Variants in PRELID2 observed in about 807,000 individuals in gnomAD.
PRELID2 encodes the protein PRELI domain containing 2, also known as PRELI domain-containing protein 2.
PRELID2 carries 25 observed loss-of-function variants against 28.4 expected under a neutral mutation model. The observed-to-expected ratio is 0.88, with a 90% CI of 0.64 to 1.23. The LOEUF (loss-of-function observed/expected upper bound fraction) is 1.23, where lower values mean the gene tolerates loss of function less well. Among genes scored for constraint, PRELID2 ranks in the 50% most tolerant of loss-of-function variants. PRELID2 has a pLI of 0.00. For synonymous variants in PRELID2, 76 were observed against 71.6 expected, an observed-to-expected ratio of 1.06 and a Z score of -0.31; for missense variants, 201 against 214.4, an observed-to-expected ratio of 0.94 and a Z score of 0.39.
At chr5:145,661,553 G>A (rs561404478) in intron 1 of PRELID2, among the ~76,000 whole-genome samples, 1 of 150,992 alleles carries the variant, frequency 6.6e-6, no homozygotes, top group African/African-American at 2.4e-5. Flanking sequence ...CCCTGTCACT[G>A]TATGATTCAG....
downstream of PRELID2, among the ~76,000 whole-genome samples, chr5:145,755,151 A>C (rs915714674): frequency 6.6e-6 from 1 of 152,214 alleles, no homozygotes; most frequent in South Asian, 2.1e-4. Flanking sequence ...AATGGCTACC[A>C]AGAGGTAGAA....
intron 1 of PRELID2, among the ~76,000 whole-genome samples, chr5:145,551,936 C>T (rs939071409): frequency 2.8e-4 from 43 of 152,100 alleles, no homozygotes; most frequent in Non-Finnish European, 1.2e-4. Context: ...ATACATACCC[C>T]AACCTCATTC....
At chr5:145,322,364 GC>G in the PRELID2 span, among the ~76,000 whole-genome samples, 1 of 152,182 alleles carries the variant, frequency 6.6e-6, no homozygotes, top group Non-Finnish European at 1.5e-5. Context: ...AACTTGGTTA[GC>G]TTGTTTCTTT....
At chr5:145,727,151 T>C (rs1349637849) in intron 1 of PRELID2, among the ~76,000 whole-genome samples, 3 of 152,144 alleles carry the variant, frequency 2.0e-5, no homozygotes, top group Admixed American at 2.0e-4. Context: ...TGATTTACAG[T>C]TGTGATGGTT....
At chr5:145,568,815 A>T (rs1385854990) in intron 1 of PRELID2, among the ~76,000 whole-genome samples, 1 of 152,248 alleles carries the variant, frequency 6.6e-6, no homozygotes, top group Non-Finnish European at 1.5e-5. Context: ...ACTCTCAAAG[A>T]GAAGGCATCA....
chr5:145,313,448 T>C, the PRELID2 span, among the ~76,000 whole-genome samples: 2 of 152,222 alleles, frequency 1.3e-5, no homozygotes, highest in South Asian at 4.1e-4. Flanking sequence ...CAGAGGATTG[T>C]GATTAATGCT....
the PRELID2 span, among the ~76,000 whole-genome samples, chr5:145,370,034 T>C: frequency 6.6e-6 from 1 of 152,100 alleles, no homozygotes; most frequent in African/African-American, 2.4e-5. Flanking sequence ...CTTTGTCAGA[T>C]AGATAGATTG....
intron 1 of PRELID2, among the ~76,000 whole-genome samples, chr5:145,556,371 C>T (rs1752880360): frequency 1.3e-5 from 2 of 151,986 alleles, no homozygotes; most frequent in Non-Finnish European, 2.9e-5. Context: ...GTTGTGTGAG[C>T]CAGAAATCTT....
the PRELID2 span, among the ~76,000 whole-genome samples, chr5:145,272,055 T>C: frequency 1.3e-5 from 2 of 151,654 alleles, no homozygotes. Context: ...TCTGGTAGTA[T>C]GGGATGGAGA....
At chr5:145,784,134 A>T (rs1371424993) in intron 5 of PRELID2, among the ~76,000 whole-genome samples, 2 of 152,050 alleles carry the variant, frequency 1.3e-5, no homozygotes, top group Non-Finnish European at 2.9e-5. Flanking sequence ...ATACAAAAAA[A>T]TTAGCCGGGC....
intron 1 of PRELID2, among the ~76,000 whole-genome samples, chr5:145,714,519 G>A (rs907432223): frequency 2.0e-5 from 3 of 151,938 alleles, no homozygotes; most frequent in South Asian, 2.1e-4. Flanking sequence ...AGGAAGCTAG[G>A]ACCTCTTCCC....
At position 145,560,947 on chromosome 5, in the gene PRELID2, C is replaced by T. The variant is rs12521566; in HGVS notation, n.71-87632G>A. Among the ~76,000 whole-genome samples, 247 of 151,964 alleles carry T rather than the reference C, an allele frequency of 1.6e-3. 4 individuals are homozygous for T. Among genetic ancestry groups the T allele is most frequent in the Admixed American group, 0.014 (213 of 15,268 alleles). On this transcript the variant is annotated intron_variant and non_coding_transcript_variant, in intron 1 of 2. Coordinates refer to the PRELID2 transcript ENST00000510259. ...CAGAACAGCTGTCTGTTTACCATCC[C>T]GACCTCATTTCCATGACGTTGAACC...
chr5:145,276,991 C>T, the PRELID2 span, among the ~76,000 whole-genome samples: 3 of 152,080 alleles, frequency 2.0e-5, no homozygotes, highest in African/African-American at 7.2e-5. Flanking sequence ...TCCAGGTCTC[C>T]TAGATTCAAA....
At chr5:145,407,827 A>G in the PRELID2 span, among the ~76,000 whole-genome samples, 1 of 152,146 alleles carries the variant, frequency 6.6e-6, no homozygotes, top group African/African-American at 2.4e-5. Flanking sequence ...CTTCACTGCT[A>G]CCCTAACCAG....
chr5:145,320,375 A>G, the PRELID2 span, among the ~76,000 whole-genome samples: 3 of 150,622 alleles, frequency 2.0e-5, no homozygotes, highest in South Asian at 4.2e-4. Flanking sequence ...GCTTCACGCC[A>G]TTCTCCTGCC....
chr5:145,489,813 T>A (rs1037822386), intron 1 of PRELID2, among the ~76,000 whole-genome samples: 1 of 152,222 alleles, frequency 6.6e-6, no homozygotes, highest in Admixed American at 6.5e-5. Flanking sequence ...ATCTTCAGAA[T>A]TATGCCTCAG....
intron 5 of PRELID2, among the ~76,000 whole-genome samples, chr5:145,775,303 T>A (rs1240649709): frequency 6.6e-6 from 1 of 152,130 alleles, no homozygotes; most frequent in African/African-American, 2.4e-5. Context: ...CTCTGAGCCT[T>A]CCGTATACTA....
intron 1 of PRELID2, among the ~76,000 whole-genome samples, chr5:145,681,201 G>A (rs1337820889): frequency 6.6e-6 from 1 of 152,152 alleles, no homozygotes; most frequent in African/African-American, 2.4e-5. Flanking sequence ...CAGGAAACAG[G>A]GAGGCACGAG....
At chr5:145,301,005 A>G in the PRELID2 span, among the ~76,000 whole-genome samples, 5 of 152,210 alleles carry the variant, frequency 3.3e-5, no homozygotes, top group East Asian at 9.6e-4. Context: ...CCTTTTGAAC[A>G]ATAAATGGAG....
Sources: allele counts gnomAD v4.1 joint callset (sites outside exome capture counted in the v4.1 genomes callset), GRCh38; gene constraint gnomAD v4.1.1; transcripts MANE v1.5; gene names NCBI Gene and HGNC (gene_info 2026-07-23, HGNC 2026-07-21).